Variants in INTS4 observed in about 807,000 individuals in gnomAD.
INTS4 encodes the protein MSTP093.
Under a neutral mutation model 119.5 loss-of-function variants are expected in INTS4, and 70 were observed. The observed-to-expected ratio is 0.59, with a 90% CI of 0.48 to 0.71. INTS4 has a LOEUF of 0.71. INTS4 is among the 30% of genes least tolerant of loss of function. The probability of loss-of-function intolerance (pLI) is 0.00; values close to 1 mark genes in which losing one functional copy is unlikely to be tolerated. For missense variants in INTS4, 867 were observed against 1,173.2 expected (o/e 0.74, Z 3.81); for synonymous variants, 316 against 419.6 (o/e 0.75, Z 3.02).
chr11:77,988,046 C>T (rs12419883), intron 2 of INTS4, among the ~76,000 whole-genome samples: 16 of 152,076 alleles, frequency 1.1e-4, no homozygotes, highest in African/African-American at 3.4e-4. Flanking sequence ...TAGATAGATA[C>T]GATTTTTTAA....
At chr11:77,955,800 C>G in intron 8 of INTS4, 142 bp downstream of exon 8, 1 of 701,160 alleles carries the variant, frequency 1.4e-6, no homozygotes, top group South Asian at 1.9e-5. Context: ...AGCCTATAAT[C>G]CCAGTCTTTT....
chr11:77,892,758 A>AT (rs1465916600), intron 19 of INTS4, among the ~76,000 whole-genome samples: 1 of 151,854 alleles, frequency 6.6e-6, no homozygotes, highest in East Asian at 1.9e-4. Flanking sequence ...AATTTTTTGT[A>AT]TTTTTTAGTA....
chr11:77,884,349 T>A (rs1000857068), intron 21 of INTS4, among the ~76,000 whole-genome samples: 4 of 152,344 alleles, frequency 2.6e-5, no homozygotes, highest in Admixed American at 2.6e-4. Context: ...TGTAATTGCA[T>A]TCTTTCCACT....
At position 77,986,907 on chromosome 11, in the gene INTS4, A is replaced by G. The variant is rs544358932; in HGVS notation, c.246+4201T>C. The G allele has an allele frequency of 3.3e-5, 5 of 152,350 alleles. No individual in the cohort carries two copies. In the East Asian group the frequency reaches 9.6e-4, roughly 29 times the overall value. The allele number at this position is 152,350 out of a possible 1,614,324, so 9.4% of individuals were successfully genotyped here. ...AAGTAAATGATGAGTTAATGGGTGCAGCAAGCCAACATGGCACATGTATAC... is the reference window on the plus strand; with the variant it reads ...AAGTAAATGATGAGTTAATGGGTGCGGCAAGCCAACATGGCACATGTATAC... On this transcript the variant is annotated intron_variant, in intron 2 of 22. Coordinates refer to ENST00000534064, the MANE Select transcript of INTS4 (RefSeq NM_033547.4).
intron 7 of INTS4, among the ~76,000 whole-genome samples, chr11:77,957,663 CTTTTTTTTTT>C (rs1159914263): frequency 7.2e-5 from 8 of 110,706 alleles, no homozygotes; most frequent in Non-Finnish European, 3.6e-5. Flanking sequence ...AACTGAACTT[CTTTTTTTTTT>C]TTTTTTTTTT....
intron 7 of INTS4, among the ~76,000 whole-genome samples, chr11:77,957,480 T>G (rs1246469022): frequency 2.3e-4 from 35 of 150,532 alleles, no homozygotes; most frequent in Middle Eastern, 3.4e-3. Flanking sequence ...AACCCAGGAG[T>G]TGGAGGTTGT....
intron 21 of INTS4, among the ~76,000 whole-genome samples, chr11:77,890,418 T>A (rs1952211935): frequency 6.6e-6 from 1 of 152,110 alleles, no homozygotes; most frequent in African/African-American, 2.4e-5. Context: ...CTTTGACTCA[T>A]ATCCCTTTGG....
chr11:77,892,643 C>T (rs911284993), intron 19 of INTS4, among the ~76,000 whole-genome samples: 11 of 152,064 alleles, frequency 7.2e-5, no homozygotes, highest in Admixed American at 6.6e-5. Flanking sequence ...TGTGCAATGG[C>T]GTGATCTCGG....
intron 21 of INTS4, among the ~76,000 whole-genome samples, chr11:77,888,085 T>C (rs1442526976): frequency 1.3e-5 from 2 of 152,292 alleles, no homozygotes; most frequent in African/African-American, 4.8e-5. Flanking sequence ...TTAAAGTTCA[T>C]ATGGAACCAA....
chr11:77,906,088 G>T (rs1952944650), intron 16 of INTS4, among the ~76,000 whole-genome samples: 1 of 151,712 alleles, frequency 6.6e-6, no homozygotes, highest in Non-Finnish European at 1.5e-5. Context: ...ATATTTTCTG[G>T]GCTGTGGTTT....
chr11:77,932,965 G>T (rs1953691363), intron 10 of INTS4, among the ~76,000 whole-genome samples: 1 of 146,402 alleles, frequency 6.8e-6, no homozygotes, highest in African/African-American at 2.5e-5. Flanking sequence ...TCAGGGGGTG[G>T]GGGGCTGGGG....
intron 8 of INTS4, among the ~76,000 whole-genome samples, chr11:77,954,340 G>C (rs1230295488): frequency 1.3e-5 from 2 of 151,662 alleles, no homozygotes; most frequent in African/African-American, 4.8e-5. Context: ...AATAGAGATG[G>C]GGTCTTGCTG....
chr11:77,878,782 T>C lies in INTS4; in HGVS notation c.*167A>G. ...GTAAGTAGACTTGAAGGTTTTTTAT[T>C]TTTTAATGAAGAAACAATTTATCCT... On this transcript the variant is annotated 3_prime_UTR_variant, in exon 23 of 23. Transcript: ENST00000534064. 2 of 708,150 alleles carry C rather than the reference T, an allele frequency of 2.8e-6. No individual in the cohort carries two copies. The highest frequency in any genetic ancestry group is 5.1e-6 in the Non-Finnish European group (2 of 393,358). The allele number at this position is 708,150 out of a possible 1,614,324, so 43.9% of individuals were successfully genotyped here. A position where few individuals can be genotyped will look rare whatever the true frequency, so the allele number is the denominator to read the frequency against.
At chr11:77,922,516 T>G (rs1365179394) in intron 12 of INTS4, 45 bp from the exon 13 acceptor site, 1 of 833,462 alleles carries the variant, frequency 1.2e-6, no homozygotes, top group Non-Finnish European at 1.9e-6. Flanking sequence ...TTAGTAAAGT[T>G]AGTCCTTTGA....
intron 10 of INTS4, among the ~76,000 whole-genome samples, chr11:77,932,364 C>T (rs1430946076): frequency 6.6e-6 from 1 of 152,172 alleles, no homozygotes; most frequent in Non-Finnish European, 1.5e-5. Flanking sequence ...AAAAGCTCAT[C>T]ATCACTGGTC....
At chr11:77,976,891 A>G (rs1166306831) in intron 4 of INTS4, among the ~76,000 whole-genome samples, 1 of 152,028 alleles carries the variant, frequency 6.6e-6, no homozygotes, top group Non-Finnish European at 1.5e-5. Context: ...ACACATGGAC[A>G]CAGGAAGGGG....
chr11:77,962,662 A>G (rs1329190150), intron 4 of INTS4, among the ~76,000 whole-genome samples: 6 of 152,174 alleles, frequency 3.9e-5, no homozygotes, highest in Non-Finnish European at 7.3e-5. Context: ...TAACAAAACA[A>G]TATTTACCTT....
At chr11:77,953,774 G>A (rs1259756346) in intron 8 of INTS4, among the ~76,000 whole-genome samples, 1 of 152,100 alleles carries the variant, frequency 6.6e-6, no homozygotes, top group Non-Finnish European at 1.5e-5. Flanking sequence ...AGTAGAGATG[G>A]GGTTTCACCA....
At position 77,950,008 on chromosome 11, in the gene INTS4, G is replaced by A. The variant is rs1343976701; in HGVS notation, c.918+5934C>T. ...ATAGACTGGACAAAGAAAATGTGGC[G>A]CATATACACCATGGAATACCATGCA... On this transcript the variant is annotated intron_variant, in intron 8 of 22. Transcript: ENST00000534064. Among the ~76,000 whole-genome samples, 20 of 152,042 alleles carry A rather than the reference G, an allele frequency of 1.3e-4. No individual in the cohort carries two copies. In the South Asian group the frequency reaches 1.7e-3, roughly 13 times the overall value.
Sources: allele counts gnomAD v4.1 joint callset (sites outside exome capture counted in the v4.1 genomes callset), GRCh38; gene constraint gnomAD v4.1.1; transcripts MANE v1.5; gene names NCBI Gene and HGNC (gene_info 2026-07-23, HGNC 2026-07-21).